Variants in AP3B1 observed in about 807,000 individuals in gnomAD.
AP3B1 encodes the protein adaptor related protein complex 3 subunit beta 1.
A neutral mutation model predicts 132.5 loss-of-function variants in AP3B1; 61 were observed. That is an observed-to-expected ratio of 0.46 (90% CI 0.37 to 0.57). The LOEUF (loss-of-function observed/expected upper bound fraction) is 0.57. Ranked by LOEUF, AP3B1 falls within the 20% of genes least tolerant of loss-of-function variation. The pLI is 0.00. For synonymous variants in AP3B1, 388 were observed against 438.3 expected (o/e 0.89, Z 1.43); for missense variants, 1,120 against 1,289.4 (o/e 0.87, Z 2.01).
intron 11 of AP3B1, among the ~76,000 whole-genome samples, chr5:78,173,896 T>G (rs1431547878): frequency 1.3e-5 from 2 of 152,200 alleles, no homozygotes; most frequent in Admixed American, 6.5e-5. Flanking sequence ...TAAGTCTTTT[T>G]TCTATAACCT....
intron 7 of AP3B1, among the ~76,000 whole-genome samples, chr5:78,202,965 T>C (rs1196191616): frequency 6.6e-6 from 1 of 152,242 alleles, no homozygotes; most frequent in East Asian, 1.9e-4. Context: ...CATGTACCGA[T>C]TTCTCCATTT....
chr5:78,256,285 A>C (rs1041157074), intron 2 of AP3B1, among the ~76,000 whole-genome samples: 2 of 152,124 alleles, frequency 1.3e-5, no homozygotes, highest in African/African-American at 4.8e-5. Context: ...AGACTAAGAA[A>C]AAAAAGAGAA....
intron 1 of AP3B1, among the ~76,000 whole-genome samples, chr5:78,277,651 A>G (rs1393350350): frequency 1.3e-5 from 2 of 152,164 alleles, no homozygotes; most frequent in African/African-American, 4.8e-5. Context: ...CCAAAAGAAG[A>G]TCTATGAAGG....
chr5:78,021,760 A>T (rs920431665), intron 24 of AP3B1, among the ~76,000 whole-genome samples: 1 of 152,076 alleles, frequency 6.6e-6, no homozygotes, highest in Middle Eastern at 3.2e-3. Flanking sequence ...TTTCATCCTC[A>T]TGGTTGCCAC....
At chr5:78,061,170 A>T (rs1428720118) in intron 22 of AP3B1, among the ~76,000 whole-genome samples, 2 of 152,060 alleles carry the variant, frequency 1.3e-5, no homozygotes, top group East Asian at 3.8e-4. Context: ...GATTTCCCAC[A>T]TCCCTCATTG....
At chr5:78,119,566 G>A (rs1015289773) in intron 17 of AP3B1, among the ~76,000 whole-genome samples, 7 of 152,198 alleles carry the variant, frequency 4.6e-5, no homozygotes, top group South Asian at 2.1e-4. Context: ...GAGCCGACGC[G>A]ATCAACTGGA....
chr5:78,261,497 C>T (rs1373326183), intron 2 of AP3B1, among the ~76,000 whole-genome samples: 3 of 152,140 alleles, frequency 2.0e-5, no homozygotes, highest in Admixed American at 6.6e-5. Context: ...CAGAGTTTCA[C>T]TCTTGTCACC....
chr5:78,118,481 T>TGC, intron 17 of AP3B1, among the ~76,000 whole-genome samples: 1 of 152,202 alleles, frequency 6.6e-6, no homozygotes, highest in East Asian at 1.9e-4. Context: ...ACCCTAATAC[T>TGC]GCGCTTTTCC....
At chr5:78,178,145 C>T (rs189994470) in intron 8 of AP3B1, among the ~76,000 whole-genome samples, 66 of 152,174 alleles carry the variant, frequency 4.3e-4, no homozygotes, top group Admixed American at 1.7e-3. Flanking sequence ...TATAAGCATG[C>T]CTTTCTAAAT....
chr5:78,211,163 A>G (rs1334439183), intron 7 of AP3B1, among the ~76,000 whole-genome samples: 1 of 152,172 alleles, frequency 6.6e-6, no homozygotes, highest in African/African-American at 2.4e-5. Flanking sequence ...TATTTTCTAT[A>G]GTCAAGCACC....
Position 78,128,041 on chromosome 5 carries a change from C to T in AP3B1, c.1957G>A (p.Val653Ile). 6.2e-7 allele frequency: 1 copy of T among 1,612,876 alleles called. No homozygotes were observed. The highest frequency in any genetic ancestry group is 8.5e-7 in the Non-Finnish European group (1 of 1,178,992). ...AAAGGTCAACTTACCAACTCTATTA[C>T]TTCTACATTTCGAACTGATGGGTCG... The part of the protein sequence containing the change: ...APDPSVRNVE[V>I]IELAKEWTPA... The change falls in exon 17 of 27, where the codon GTA (valine) becomes ATA (isoleucine). Residue 653 changes from valine to isoleucine, a missense_variant. By Grantham distance (29) the Val-to-Ile change is conservative. This residue lies in a region of AP3B1 where 906 missense variants were observed against 997.1 expected (regional missense o/e 0.91). Transcript: ENST00000255194.
chr5:78,149,995 G>A (rs953202511), intron 14 of AP3B1, among the ~76,000 whole-genome samples: 1 of 151,734 alleles, frequency 6.6e-6, no homozygotes, highest in Non-Finnish European at 1.5e-5. Flanking sequence ...CACCCTAAGG[G>A]AAAGACAATT....
chr5:78,040,787 T>G (rs1312993979), intron 22 of AP3B1, among the ~76,000 whole-genome samples: 1 of 152,178 alleles, frequency 6.6e-6, no homozygotes, highest in African/African-American at 2.4e-5. Context: ...ATCAACCTAT[T>G]AAACATTTTC....
intron 22 of AP3B1, among the ~76,000 whole-genome samples, chr5:78,065,081 C>G (rs1749224980): frequency 6.6e-6 from 1 of 152,154 alleles, no homozygotes. Flanking sequence ...ACAGCCCACA[C>G]AGGAGCCACA....
chr5:78,041,590 CAT>C (rs1039332313), intron 22 of AP3B1, among the ~76,000 whole-genome samples: 5 of 151,542 alleles, frequency 3.3e-5, no homozygotes, highest in Admixed American at 3.3e-4. Context: ...AAATAATAAT[CAT>C]AAAAATTTAT....
intron 7 of AP3B1, among the ~76,000 whole-genome samples, chr5:78,192,646 AAAAG>A (rs935836427): frequency 3.3e-5 from 5 of 152,172 alleles, no homozygotes; most frequent in African/African-American, 7.2e-5. Context: ...TATCTCCAAA[AAAAG>A]AAAGAAAGAA....
intron 22 of AP3B1, among the ~76,000 whole-genome samples, chr5:78,068,621 A>G (rs917372598): frequency 6.6e-6 from 1 of 152,150 alleles, no homozygotes; most frequent in Admixed American, 6.5e-5. Flanking sequence ...TAGCCTACCA[A>G]CCCCAAAAAG....
intron 22 of AP3B1, among the ~76,000 whole-genome samples, chr5:78,068,064 C>G (rs1362524582): frequency 1.3e-5 from 2 of 152,084 alleles, no homozygotes; most frequent in Non-Finnish European, 2.9e-5. Context: ...GTGGCTCACA[C>G]CTGTAATCCC....
chr5:78,035,640 T>C (rs771631291), intron 23 of AP3B1, among the ~76,000 whole-genome samples: 4 of 152,086 alleles, frequency 2.6e-5, no homozygotes, highest in Non-Finnish European at 5.9e-5. Context: ...TAAAATGCTA[T>C]TTGTTAGGCA....
Sources: gnomAD v4.1 joint callset for allele counts (sites outside exome capture counted in the v4.1 genomes callset) on GRCh38, gnomAD v4.1.1 for gene constraint, gnomAD v4.1.1 regional missense constraint, MANE v1.5 for transcripts, NCBI Gene and HGNC (gene_info 2026-07-23, HGNC 2026-07-21) for gene names.